PDIA6: variants seen among roughly 807,000 people sequenced by gnomAD.
The protein encoded by PDIA6 is protein disulfide-isomerase A6.
In PDIA6, 29 loss-of-function variants were observed where a neutral mutation model predicts 58.4. That is an observed-to-expected ratio of 0.50 (90% CI 0.37 to 0.68). PDIA6 has a LOEUF of 0.68. PDIA6 is among the 30% of genes least tolerant of loss of function. The pLI is 0.00. For synonymous variants in PDIA6, 192 were observed against 202.6 expected, an observed-to-expected ratio of 0.95 and a Z score of 0.44; for missense variants, 480 against 551.0, an observed-to-expected ratio of 0.87 and a Z score of 1.29.
At chr2:10,790,698 G>A (rs771816035) in intron 7 of PDIA6, 21 bp downstream of exon 7, 8 of 1,515,932 alleles carry the variant, frequency 5.3e-6, no homozygotes, top group South Asian at 4.5e-5. Flanking sequence ...ACAATGAAAT[G>A]AGCCTTATAA....
intron 2 of PDIA6, among the ~76,000 whole-genome samples, chr2:10,801,326 A>G (rs943089450): frequency 1.3e-5 from 2 of 152,144 alleles, no homozygotes; most frequent in Non-Finnish European, 2.9e-5. Context: ...AAACACCACA[A>G]AGTAAAACTC....
At chr2:10,818,534 ATT>A (rs1405651513) in intron 2 of PDIA6, among the ~76,000 whole-genome samples, 1 of 81,006 alleles carries the variant, frequency 1.2e-5, no homozygotes, top group African/African-American at 4.7e-5. Context: ...TTATTTATTT[ATT>A]TTGAGATGGA....
At chr2:10,806,622 T>TAA (rs1553339908) in intron 1 of PDIA6, among the ~76,000 whole-genome samples, 3 of 48,688 alleles carry the variant, frequency 6.2e-5, no homozygotes, top group African/African-American at 4.3e-5. Context: ...TCCTAAAAAA[T>TAA]AAAGACAGAA....
intron 2 of PDIA6, among the ~76,000 whole-genome samples, chr2:10,799,703 T>C (rs1666419930): frequency 6.6e-6 from 1 of 152,196 alleles, no homozygotes; most frequent in African/African-American, 2.4e-5. Flanking sequence ...TACAGGGTTT[T>C]GTGCCTCTTT....
intron 7 of PDIA6, 74 bp downstream of exon 7, chr2:10,790,645 A>G (rs531210958): frequency 9.8e-7 from 1 of 1,018,258 alleles, no homozygotes; most frequent in East Asian, 2.4e-5. Context: ...CCTCATAGGG[A>G]GGCCTGGAGT....
chr2:10,808,117 T>C (rs763976560), intron 1 of PDIA6, among the ~76,000 whole-genome samples: 21 of 152,242 alleles, frequency 1.4e-4, no homozygotes, highest in Non-Finnish European at 2.9e-4. Flanking sequence ...ATTTTACTAA[T>C]AGTGAAGCCA....
At chr2:10,833,057 G>C (rs1002886909), upstream of PDIA6, among the ~76,000 whole-genome samples, 1 of 152,086 alleles carries the variant, frequency 6.6e-6, no homozygotes, top group Admixed American at 6.5e-5. Flanking sequence ...GGGGCATGGA[G>C]AAAGGCCAGG....
At chr2:10,785,102 T>A in intron 11 of PDIA6, 72 bp from the exon 12 acceptor site, 4 of 1,038,606 alleles carry the variant, frequency 3.9e-6, no homozygotes, top group Non-Finnish European at 5.9e-6. Flanking sequence ...TAAACAACTT[T>A]AAAAATAACA....
Position 10,812,782 on chromosome 2 carries a change from T to C in PDIA6, c.-86A>G. ...CGCACGCCGCGCCCCCGCGCCCACGTCCCGCCCCAGGCCAGTCCGGTGGTC... is the reference window on the plus strand; with the variant it reads ...CGCACGCCGCGCCCCCGCGCCCACGCCCCGCCCCAGGCCAGTCCGGTGGTC... On this transcript the variant is annotated 5_prime_UTR_variant, in exon 1 of 13. Coordinates refer to ENST00000272227, the MANE Select transcript of PDIA6 (RefSeq NM_005742.4). 3 of 1,314,130 alleles carry C rather than the reference T, an allele frequency of 2.3e-6. No individual in the cohort carries two copies. Among genetic ancestry groups the C allele is most frequent in the Non-Finnish European group, 2.9e-6 (3 of 1,032,354 alleles). The allele number at this position is 1,314,130 out of a possible 1,614,324, so 81.4% of individuals were successfully genotyped here. A position where few individuals can be genotyped will look rare whatever the true frequency, so the allele number is the denominator to read the frequency against.
intron 1 of PDIA6, among the ~76,000 whole-genome samples, chr2:10,803,738 T>C (rs1311550575): frequency 6.6e-6 from 1 of 152,126 alleles, no homozygotes; most frequent in East Asian, 1.9e-4. Context: ...AAATTTCACC[T>C]TTTAAATTTA....
At chr2:10,816,611 T>G (rs1667205152), upstream of PDIA6, among the ~76,000 whole-genome samples, 1 of 151,954 alleles carries the variant, frequency 6.6e-6, no homozygotes. Context: ...TCATTTAGGT[T>G]TATCTGAAAT....
chr2:10,836,257 G>A (rs1022037416), upstream of PDIA6, among the ~76,000 whole-genome samples: 2 of 152,172 alleles, frequency 1.3e-5, no homozygotes, highest in Non-Finnish European at 2.9e-5. Context: ...CTCCCTTAAG[G>A]CACACTCAGG....
chr2:10,812,874 C>T, upstream of PDIA6: 1 of 1,159,054 alleles, frequency 8.6e-7, no homozygotes, highest in African/African-American at 1.6e-5. Context: ...CTCATTGGTC[C>T]GGGCGGACAT....
At chr2:10,820,795 T>G (rs149553803) in intron 1 of PDIA6, 10,407 of 703,002 alleles carry the variant, frequency 0.015, 107 homozygotes, top group Middle Eastern at 0.043. Context: ...GAGCTGATGT[T>G]GGCTGGGACC....
intron 1 of PDIA6, among the ~76,000 whole-genome samples, chr2:10,803,477 G>GT (rs1666599684): frequency 6.7e-6 from 1 of 149,388 alleles, no homozygotes; most frequent in African/African-American, 2.4e-5. Flanking sequence ...TTTATAAATA[G>GT]TTTTATTTCT....
At chr2:10,794,576 C>A (rs1182023678) in intron 4 of PDIA6, among the ~76,000 whole-genome samples, 4 of 150,682 alleles carry the variant, frequency 2.7e-5, no homozygotes. Flanking sequence ...GTGTGGCAGC[C>A]GGCCTTTTTT....
In PDIA6 at chr2:10,812,688, G is replaced by T. The variant is rs1454018296; in HGVS notation, c.9C>A (p.Leu3=). Reference sequence around the variant, plus strand: ...CTGGCCCGCACCTACCGAGCACCAGGAGAGCCATGCCGAGCGCCGGGCTAC... The same window carrying T: ...CTGGCCCGCACCTACCGAGCACCAGTAGAGCCATGCCGAGCGCCGGGCTAC... The part of the protein sequence containing the change: MA[L]LVLGLVSCTF... Residue 3 remains leucine (L), a synonymous_variant, in exon 1 of 13, where the codon CTC becomes CTA. Coordinates refer to ENST00000272227, the MANE Select transcript of PDIA6 (RefSeq NM_005742.4). 3 of 1,534,410 alleles carry T rather than the reference G, an allele frequency of 2.0e-6. No homozygotes were observed. The highest frequency in any genetic ancestry group is 1.7e-6 in the Non-Finnish European group (2 of 1,143,158).
rs1558434575 is a variant in PDIA6, at chr2:10,784,142, T to A, written c.*116A>T. The stretch of plus-strand genomic sequence containing the variant: ...TTCAAATGACCAATCAAGTACTACT[T>A]CTTGGTTAAAAGGCCACTGGTAGAG... On this transcript the variant is annotated 3_prime_UTR_variant, in exon 13 of 13. Transcript: ENST00000272227. 3 of 627,530 alleles carry A rather than the reference T, an allele frequency of 4.8e-6. No individual in the cohort carries two copies. Among genetic ancestry groups the A allele is most frequent in the East Asian group, 2.8e-5 (1 of 35,646 alleles). The allele number at this position is 627,530 out of a possible 1,614,324, so 38.9% of individuals were successfully genotyped here.
At chr2:10,835,919 C>T (rs1467139417), upstream of PDIA6, among the ~76,000 whole-genome samples, 3 of 152,048 alleles carry the variant, frequency 2.0e-5, no homozygotes, top group East Asian at 3.9e-4. Context: ...GGCGTGGTGG[C>T]GGGCGCCTGT....
Sources: gnomAD v4.1 joint callset for allele counts (sites outside exome capture counted in the v4.1 genomes callset) on GRCh38, gnomAD v4.1.1 for gene constraint, MANE v1.5 for transcripts, NCBI Gene and HGNC (gene_info 2026-07-23, HGNC 2026-07-21) for gene names.